The following AGAP1 variants were observed in gnomAD, a reference collection of about 807,000 sequenced individuals.
AGAP1 encodes the protein ArfGAP with GTPase domain, ankyrin repeat and PH domain 1, also known as arf-GAP with GTPase, ANK repeat and PH domain-containing protein 1.
A neutral mutation model predicts 105.3 loss-of-function variants in AGAP1; 29 were observed. That is an observed-to-expected ratio of 0.28 (90% CI 0.21 to 0.38). AGAP1 has a LOEUF of 0.38. AGAP1 is among the 10% of genes least tolerant of loss of function. The pLI is 1.00. For missense variants in AGAP1, 998 were observed against 1,165.1 expected, an observed-to-expected ratio of 0.86 and a Z score of 2.09; for synonymous variants, 509 against 485.9, an observed-to-expected ratio of 1.05 and a Z score of -0.63.
At position 235,888,064 on chromosome 2, in the gene AGAP1, C is replaced by T. The variant is rs182362058; in HGVS notation, c.1155+4615C>T. 1.3e-5 allele frequency among the ~76,000 whole-genome samples: 2 copies of T among 152,180 alleles called. No homozygotes were observed. The highest frequency in any genetic ancestry group is 2.9e-5 in the Non-Finnish European group (2 of 68,040). On this transcript the variant is annotated intron_variant, in intron 10 of 17. Coordinates refer to ENST00000304032, the MANE Select transcript of AGAP1 (RefSeq NM_001037131.3). The surrounding 1 kb of genome is among the most constrained non-coding windows in gnomAD (Gnocchi z 4.8). ...ACGTAAGGCTGCGCCCTGGTGCCAC[C>T]ACCAGCCTCCTTCCATTTGCTTATC...
At chr2:235,954,484 C>T (rs1408884446) in intron 12 of AGAP1, among the ~76,000 whole-genome samples, 1 of 150,780 alleles carries the variant, frequency 6.6e-6, no homozygotes, top group Non-Finnish European at 1.5e-5. Flanking sequence ...TCATCGTTCT[C>T]TAACTTTCTC....
In AGAP1 at chr2:235,612,800, C is replaced by T. The variant is rs1034319065; in HGVS notation, c.164-96379C>T. On this transcript the variant is annotated intron_variant, in intron 1 of 17. Transcript: ENST00000304032. The surrounding 1 kb of genome is among the most constrained non-coding windows in gnomAD (Gnocchi z 4.3). ...CCTGCTTCCAGGTTGGCCTGCCAGC[C>T]GATGTTGTGATCTTGTGGAGGGAAT... Among the ~76,000 whole-genome samples the T allele has an allele frequency of 3.9e-5, 6 of 152,064 alleles. No individual in the cohort carries two copies.
chr2:235,832,688 C>T (rs932801472), intron 9 of AGAP1, among the ~76,000 whole-genome samples: 3 of 152,192 alleles, frequency 2.0e-5, no homozygotes, highest in Admixed American at 1.3e-4. Flanking sequence ...TAATTAACAG[C>T]TAGGGAAGTC....
rs767527433 is a variant in AGAP1, at chr2:235,670,321, G to A, written c.164-38858G>A. Reference sequence around the variant, plus strand: ...CCGGGAGGCTTGAGGAGGAGGCCGAGGAGGCGGAGGGCGCCGAGGAACCGG... The same window carrying A: ...CCGGGAGGCTTGAGGAGGAGGCCGAAGAGGCGGAGGGCGCCGAGGAACCGG... On this transcript the variant is annotated intron_variant, in intron 1 of 17. Coordinates refer to ENST00000304032, the MANE Select transcript of AGAP1 (RefSeq NM_001037131.3). 1.5e-5 allele frequency: 7 copies of A among 474,938 alleles called. No homozygotes were observed. The South Asian group carries it at 2.0e-4, about 14-fold the overall frequency. 29.4% of individuals were successfully genotyped at this position (474,938 alleles called of 1,614,324 possible).
At chr2:236,098,126 A>T (rs143452801) in intron 16 of AGAP1, among the ~76,000 whole-genome samples, 1 of 152,182 alleles carries the variant, frequency 6.6e-6, no homozygotes, top group Admixed American at 6.5e-5. Flanking sequence ...AGCTATTGTG[A>T]ATAATGCTGC....
chr2:235,819,851 C>T (rs1193059205), intron 9 of AGAP1, among the ~76,000 whole-genome samples: 2 of 150,650 alleles, frequency 1.3e-5, no homozygotes, highest in Admixed American at 6.6e-5. Context: ...GGTAGTAGCA[C>T]TAGGTAGCAT....
Position 235,865,240 on chromosome 2 carries a change from C to G in AGAP1, c.1051-18105C>G, listed in dbSNP as rs1042565462. Among the ~76,000 whole-genome samples, 6 of 152,086 alleles carry G rather than the reference C, an allele frequency of 3.9e-5. No individual in the cohort carries two copies. The highest frequency in any genetic ancestry group is 1.2e-4 in the African/African-American group (5 of 41,408). On this transcript the variant is annotated intron_variant, in intron 9 of 17. Transcript: ENST00000304032. This position sits in a 1 kb window ranked among gnomAD's most constrained non-coding sequence, Gnocchi z 6.2. Reference sequence around the variant, plus strand: ...GATTTGTGGGTGATTAGCTCCTGGCCGAATCCAGTCCCGGCCGGCGCTTTG... The same window carrying G: ...GATTTGTGGGTGATTAGCTCCTGGCGGAATCCAGTCCCGGCCGGCGCTTTG...
chr2:235,905,930 C>T lies in AGAP1; in HGVS notation c.1156-2808C>T, dbSNP rs930004405. Among the ~76,000 whole-genome samples the T allele has an allele frequency of 6.6e-6, 1 of 152,198 alleles. No individual in the cohort carries two copies. The highest frequency in any genetic ancestry group is 1.5e-5 in the Non-Finnish European group (1 of 68,038). On this transcript the variant is annotated intron_variant, in intron 10 of 17. Transcript: ENST00000304032. The surrounding 1 kb of genome is among the most constrained non-coding windows in gnomAD (Gnocchi z 4.2). ...TAGTAACTTTCTTTCTGTCTTTGGTCTACATCCTCTCAAAGTTGATTATGT... is the reference window on the plus strand; with the variant it reads ...TAGTAACTTTCTTTCTGTCTTTGGTTTACATCCTCTCAAAGTTGATTATGT...
intron 3 of AGAP1, chr2:235,718,384 T>C (rs1951223307): frequency 1.0e-6 from 1 of 985,796 alleles, no homozygotes; most frequent in Non-Finnish European, 1.2e-6. Context: ...TTTGCAGATA[T>C]GGATGCAGGT....
intron 1 of AGAP1, among the ~76,000 whole-genome samples, chr2:235,654,676 A>G (rs1194643171): frequency 6.6e-6 from 1 of 152,170 alleles, no homozygotes; most frequent in Non-Finnish European, 1.5e-5. Context: ...CCCCCCGGCC[A>G]CTTCTAAAGA....
intron 16 of AGAP1, among the ~76,000 whole-genome samples, chr2:236,069,335 T>G (rs2058436944): frequency 6.6e-6 from 1 of 152,200 alleles, no homozygotes; most frequent in East Asian, 1.9e-4. Context: ...TTTCATATAA[T>G]GTAATGAATT....
At chr2:235,640,942 G>C (rs576916826) in intron 1 of AGAP1, among the ~76,000 whole-genome samples, 2 of 152,332 alleles carry the variant, frequency 1.3e-5, no homozygotes, top group East Asian at 3.9e-4. Context: ...TGCTCCACCT[G>C]TTTTCCTGCC....
In AGAP1 at chr2:236,090,341, T is replaced by C. The variant is rs2059027100; in HGVS notation, c.2115-29851T>C. Among the ~76,000 whole-genome samples, 2 of 152,232 alleles carry C rather than the reference T, an allele frequency of 1.3e-5. No individual in the cohort carries two copies. The highest frequency in any genetic ancestry group is 4.8e-5 in the African/African-American group (2 of 41,456). On this transcript the variant is annotated intron_variant, in intron 16 of 17. Transcript: ENST00000304032. The surrounding 1 kb of genome is among the most constrained non-coding windows in gnomAD (Gnocchi z 4.3). ...TGATAGAAATATTCAGAAGCAGACA[T>C]AATTATTTCAATTACTTCTCTCTGG...
In AGAP1 at chr2:235,692,630, G is replaced by C. The variant is rs1437907861; in HGVS notation, c.164-16549G>C. On this transcript the variant is annotated intron_variant, in intron 1 of 17. Coordinates refer to ENST00000304032, the MANE Select transcript of AGAP1 (RefSeq NM_001037131.3). This position sits in a 1 kb window ranked among gnomAD's most constrained non-coding sequence, Gnocchi z 5.8. ...GACTCAGCCTCAGTGCCTAGCCAGT[G>C]GGTTCCCCTCGCTGACCCTCAGCCC... Among the ~76,000 whole-genome samples the C allele has an allele frequency of 6.6e-6, 1 of 151,864 alleles. No individual in the cohort carries two copies. The highest frequency in any genetic ancestry group is 1.5e-5 in the Non-Finnish European group (1 of 67,984).
At position 235,554,452 on chromosome 2, in the gene AGAP1, C is replaced by G. The variant is rs138722800; in HGVS notation, c.163+59603C>G. On this transcript the variant is annotated intron_variant, in intron 1 of 17. Transcript: ENST00000304032. ...CTGGGAAGGAAAGAAAACGCCAGGC[C>G]ATGCTGCTGTGTTACAGCCCTTTAA... Among the ~76,000 whole-genome samples the G allele has an allele frequency of 2.6e-5, 4 of 152,294 alleles. No homozygotes were observed. In the East Asian group the frequency reaches 7.7e-4, roughly 30 times the overall value.
At position 235,633,124 on chromosome 2, in the gene AGAP1, A is replaced by T. The variant is rs1381820394; in HGVS notation, c.164-76055A>T. On this transcript the variant is annotated intron_variant, in intron 1 of 17. Transcript: ENST00000304032. The surrounding 1 kb of genome is among the most constrained non-coding windows in gnomAD (Gnocchi z 4.8). ...TTCTCCATCATAAGGGTCATGGCCC[A>T]CATCCCTGTAACAAAAGACAGGTTA... Among the ~76,000 whole-genome samples, 2 of 152,156 alleles carry T rather than the reference A, an allele frequency of 1.3e-5. No homozygotes were observed. The highest frequency in any genetic ancestry group is 1.3e-4 in the Admixed American group (2 of 15,282).
chr2:236,068,668 C>T (rs1436415265), intron 16 of AGAP1, among the ~76,000 whole-genome samples: 30 of 147,092 alleles, frequency 2.0e-4, no homozygotes, highest in Admixed American at 1.6e-3. Context: ...GGCGTGGTGG[C>T]GGGCGCCTGT....
intron 1 of AGAP1, among the ~76,000 whole-genome samples, chr2:235,646,247 G>A (rs1947379605): frequency 7.7e-6 from 1 of 129,498 alleles, no homozygotes; most frequent in Non-Finnish European, 1.6e-5. Flanking sequence ...TCCAGCCTGG[G>A]CAACAGATCT....
Position 236,029,232 on chromosome 2 carries a change from G to A in AGAP1, c.1646-7329G>A, listed in dbSNP as rs79720630. On this transcript the variant is annotated intron_variant, in intron 13 of 17. Transcript: ENST00000304032. ...TATCAGTTCATTTGCTCACCAACCT[G>A]TCTTTCACAAACCTGCCTTCTAGGA... Among the ~76,000 whole-genome samples, 132 of 147,880 alleles carry A rather than the reference G, an allele frequency of 8.9e-4. No homozygotes were observed. The East Asian group carries it at 0.025, about 28-fold the overall frequency.
Sources: allele counts gnomAD v4.1 joint callset (sites outside exome capture counted in the v4.1 genomes callset), GRCh38; gene constraint gnomAD v4.1.1; non-coding constraint Gnocchi (gnomAD v3.1); transcripts MANE v1.5; gene names NCBI Gene and HGNC (gene_info 2026-07-23, HGNC 2026-07-21).